Variants in C7 observed in about 807,000 individuals in gnomAD.
C7 encodes the protein complement C7.
In C7, 83 loss-of-function variants were observed where a neutral mutation model predicts 104.8. The ratio of observed to expected loss-of-function variants is 0.79; its 90% CI spans 0.66 to 0.95. The LOEUF (loss-of-function observed/expected upper bound fraction) is 0.95. C7 is among the 40% of genes least tolerant of loss of function. C7 has a pLI of 0.00. For synonymous variants in C7, 415 were observed against 360.6 expected, an observed-to-expected ratio of 1.15 and a Z score of -1.71; for missense variants, 1,070 against 1,011.2, an observed-to-expected ratio of 1.06 and a Z score of -0.79.
At chr5:40,949,395 A>G (rs1233132529) in intron 8 of C7, among the ~76,000 whole-genome samples, 1 of 151,530 alleles carries the variant, frequency 6.6e-6, no homozygotes, top group Non-Finnish European at 1.5e-5. Flanking sequence ...CCCCTTGATA[A>G]TGAGTAGAAA....
In C7 at chr5:40,910,869, C is replaced by T. The variant is rs567567743; in HGVS notation, c.6+1253C>T. On this transcript the variant is annotated intron_variant, in intron 1 of 17. Coordinates refer to ENST00000313164, the MANE Select transcript of C7 (RefSeq NM_000587.4). ...AAGTTATCTAGCCAAAATGTTTTTT[C>T]CTAATATTTGTGTTAACTATTAATC... Among the ~76,000 whole-genome samples, 506 of 150,072 alleles carry T rather than the reference C, an allele frequency of 3.4e-3. 1 individual carries two copies. Among genetic ancestry groups the T allele is most frequent in the African/African-American group, 0.012 (485 of 41,084 alleles).
intron 16 of C7, 76 bp from the exon 17 acceptor site, chr5:40,979,649 C>T: frequency 8.2e-7 from 1 of 1,226,030 alleles, no homozygotes; most frequent in African/African-American, 1.5e-5. Flanking sequence ...AAGCTCAGAG[C>T]ATCACTTTTC....
rs2111744180 is a variant in C7 at position 40,984,151 on chromosome 5, G to A, written c.*2578G>A. Among the ~76,000 whole-genome samples, 1 of 152,276 alleles carries A rather than the reference G, an allele frequency of 6.6e-6. No individual in the cohort carries two copies. Among genetic ancestry groups the A allele is most frequent in the African/African-American group, 2.4e-5 (1 of 41,556 alleles). ...GTGACATCTTATGTATTTCCTAATT[G>A]ATCAAAAGTAGTGCTGCTTCTCTAA... On this transcript the variant is annotated 3_prime_UTR_variant, in exon 18 of 18. Coordinates refer to ENST00000313164, the MANE Select transcript of C7 (RefSeq NM_000587.4).
rs370231096 is a variant in C7, at chr5:40,983,157, G to C, written c.*1584G>C. ...AGACATTGCAACTGCATTTGTTAGC[G>C]GTTATTACAGAGTTAATTTCTACCC... On this transcript the variant is annotated 3_prime_UTR_variant, in exon 18 of 18. Coordinates refer to ENST00000313164, the MANE Select transcript of C7 (RefSeq NM_000587.4). Among the ~76,000 whole-genome samples the C allele has an allele frequency of 3.9e-5, 6 of 152,264 alleles. No homozygotes were observed. Among genetic ancestry groups the C allele is most frequent in the African/African-American group, 1.4e-4 (6 of 41,558 alleles).
intron 4 of C7, among the ~76,000 whole-genome samples, chr5:40,935,651 G>A (rs991377785): frequency 3.3e-5 from 5 of 152,154 alleles, no homozygotes; most frequent in Non-Finnish European, 7.3e-5. Flanking sequence ...CATGCAGGTA[G>A]TCTGGTATGA....
chr5:40,913,481 C>T (rs1231980047), intron 1 of C7, among the ~76,000 whole-genome samples: 1 of 151,818 alleles, frequency 6.6e-6, no homozygotes, highest in East Asian at 1.9e-4. Context: ...GCATTCCTAC[C>T]AACAACTGTT....
chr5:40,949,880 T>C, intron 8 of C7, 24 bp from the exon 9 acceptor site: 2 of 1,383,674 alleles, frequency 1.4e-6, no homozygotes, highest in Non-Finnish European at 2.0e-6. Flanking sequence ...ATTAAACATG[T>C]CTCTTTTACA....
chr5:40,977,479 T>C lies in C7; in HGVS notation c.2165+639T>C, dbSNP rs1339521335. 2.6e-5 allele frequency among the ~76,000 whole-genome samples: 4 copies of C among 152,180 alleles called. No individual in the cohort carries two copies. The East Asian group carries it at 7.7e-4, about 29-fold the overall frequency. ...TCCTAGACTGCTAACAGCTTGACCG[T>C]ATAGCCATACCCAGGTCCAAGGAGT... On this transcript the variant is annotated intron_variant, in intron 16 of 17. Coordinates refer to ENST00000313164, the MANE Select transcript of C7 (RefSeq NM_000587.4).
chr5:40,918,806 T>C (rs529878758), intron 1 of C7, among the ~76,000 whole-genome samples: 29 of 152,116 alleles, frequency 1.9e-4, no homozygotes, highest in African/African-American at 6.3e-4. Flanking sequence ...AAATAAATAT[T>C]AAGGATATGA....
chr5:40,960,746 A>G lies in C7; in HGVS notation c.1661+1126A>G, dbSNP rs114765091. On this transcript the variant is annotated intron_variant, in intron 12 of 17. Transcript: ENST00000313164. The stretch of plus-strand genomic sequence containing the variant: ...TATGGCAAGATTATAAGGAACTCAG[A>G]TGAGAAGGAGGCCACACTCCCAGGC... Among the ~76,000 whole-genome samples, 1,383 of 152,252 alleles carry G rather than the reference A, an allele frequency of 9.1e-3. 13 individuals are homozygous for G. The highest frequency in any genetic ancestry group is 0.032 in the African/African-American group (1,317 of 41,544).
In C7 at chr5:40,983,393, CAT is replaced by C. The variant is rs985301574; in HGVS notation, c.*1823_*1824del. Reference sequence around the variant, plus strand: ...ACAGAGGATATGGTCAGCATTATCACATATCATCAGAGATTGAGGTTTGAAAG... The same window carrying C: ...ACAGAGGATATGGTCAGCATTATCACATCATCAGAGATTGAGGTTTGAAAG... On this transcript the variant is annotated 3_prime_UTR_variant, in exon 18 of 18. Transcript: ENST00000313164. Among the ~76,000 whole-genome samples the C allele has an allele frequency of 5.3e-5, 8 of 152,060 alleles. No homozygotes were observed. The highest frequency in any genetic ancestry group is 1.9e-4 in the African/African-American group (8 of 41,376).
At chr5:40,969,258 TTA>T (rs5867528) in intron 14 of C7, among the ~76,000 whole-genome samples, 65,841 of 151,694 alleles carry the variant, frequency 0.43, 14,864 homozygotes, top group African/African-American at 0.57. Context: ...CTTCAAACAT[TTA>T]TGTTTACTGT....
At position 40,958,187 on chromosome 5, in the gene C7, A is replaced by G. The variant is rs200642792; in HGVS notation, c.1415A>G (p.His472Arg). ...GGTTTGGCTACTGTTGAGGGGACCC[A>G]TTGTCTGTGCCATTGCAAACCGTAC... ...NGGLATVEGT[H>R]CLCHCKPYTF... Residue 472 changes from histidine (H) to arginine (R), a missense_variant, in exon 11 of 18, where the codon CAT becomes CGT. By Grantham distance (29) the His-to-Arg change is conservative (BLOSUM62 0). Coordinates refer to ENST00000313164, the MANE Select transcript of C7 (RefSeq NM_000587.4). 2 of 1,613,734 alleles carry G rather than the reference A, an allele frequency of 1.2e-6. No homozygotes were observed. The highest frequency in any genetic ancestry group is 8.5e-7 in the Non-Finnish European group (1 of 1,179,720).
In C7 at chr5:40,936,360, G is replaced by A. The variant is rs749616756; in HGVS notation, c.303G>A (p.Leu101=). 3.1e-6 allele frequency: 5 copies of A among 1,613,146 alleles called. No homozygotes were observed. The highest frequency in any genetic ancestry group is 3.4e-6 in the Non-Finnish European group (4 of 1,179,454). The part of the protein sequence containing the change: ...CFSGQCISKS[L]VCNGDSDCDE... ...CAGGTCAGTGCATCAGCAAATCATTGGTTTGCAATGGGGATTCTGACTGTG... is the reference window on the plus strand; with the variant it reads ...CAGGTCAGTGCATCAGCAAATCATTAGTTTGCAATGGGGATTCTGACTGTG... The change falls in exon 5 of 18, where the codon TTG becomes TTA. Residue 101 remains leucine (L), a synonymous_variant. Transcript: ENST00000313164.
intron 1 of C7, among the ~76,000 whole-genome samples, chr5:40,915,293 G>C (rs1428957099): frequency 1.3e-5 from 2 of 152,178 alleles, no homozygotes; most frequent in Non-Finnish European, 2.9e-5. Flanking sequence ...TGATTTTGGA[G>C]AGGAAAGAGG....
Position 40,979,779 on chromosome 5 carries a change from G to A in C7, c.2220G>A (p.Leu740=). 6.2e-7 allele frequency: 1 copy of A among 1,613,676 alleles called. No individual in the cohort carries two copies. The highest frequency in any genetic ancestry group is 8.5e-7 in the Non-Finnish European group (1 of 1,179,688). ...QDERSKRILP[L]TVCKMHVLHC... is the part of the protein sequence containing the mutation. Reference sequence around the variant, plus strand: ...AGAGAAGCAAAAGGATACTGCCTCTGACAGTTTGCAAGATGCATGTTCTCC... The same window carrying A: ...AGAGAAGCAAAAGGATACTGCCTCTAACAGTTTGCAAGATGCATGTTCTCC... Residue 740 remains leucine, a synonymous_variant, in exon 17 of 18, where the codon CTG becomes CTA. Transcript: ENST00000313164.
intron 1 of C7, among the ~76,000 whole-genome samples, chr5:40,922,752 G>A (rs1157322089): frequency 1.3e-5 from 2 of 151,572 alleles, no homozygotes; most frequent in East Asian, 3.9e-4. Flanking sequence ...GTAAGAAATG[G>A]TTTTGGGAAA....
In C7 at chr5:40,964,791, T is replaced by G. The variant is rs1740508536; in HGVS notation, c.1800T>G (p.Asn600Lys). The G allele has an allele frequency of 6.2e-7, 1 of 1,613,006 alleles. No individual in the cohort carries two copies. The highest frequency in any genetic ancestry group is 8.5e-7 in the Non-Finnish European group (1 of 1,178,998). ...GGAAAAATGTAGTGTACACTTGCAATGAAGGATACTCTCTTATTGGAAACC... is the reference window on the plus strand; with the variant it reads ...GGAAAAATGTAGTGTACACTTGCAAGGAAGGATACTCTCTTATTGGAAACC... ...PVGKNVVYTCNEGYSLIGNPV... is the reference protein window; with the variant it reads ...PVGKNVVYTCKEGYSLIGNPV... The change falls in exon 14 of 18, where the codon AAT becomes AAG. Residue 600 changes from asparagine to lysine, a missense_variant. By Grantham distance (94) the Asn-to-Lys change is moderately conservative. Transcript: ENST00000313164.
chr5:40,979,629 T>C (rs1740895648), intron 16 of C7, 96 bp from the exon 17 acceptor site: 4 of 890,294 alleles, frequency 4.5e-6, no homozygotes, highest in Non-Finnish European at 6.5e-6. Flanking sequence ...TGATAACATC[T>C]GGGGGCACTA....
Sources: allele counts gnomAD v4.1 joint callset (sites outside exome capture counted in the v4.1 genomes callset), GRCh38; gene constraint gnomAD v4.1.1; transcripts MANE v1.5; gene names NCBI Gene and HGNC (gene_info 2026-07-23, HGNC 2026-07-21).